Variants in KIF20A observed in about 807,000 individuals in gnomAD.
KIF20A encodes kinesin-like protein KIF20A.
In KIF20A, 66 loss-of-function variants were observed where a neutral mutation model predicts 113.0. That is an observed-to-expected ratio of 0.58 (90% confidence interval 0.48 to 0.72). KIF20A has a LOEUF of 0.72. Among genes scored for constraint, KIF20A ranks in the 30% least tolerant of loss-of-function variants. KIF20A has a pLI of 0.00. For synonymous variants in KIF20A, 376 were observed against 402.3 expected (o/e 0.93, Z 0.78); for missense variants, 927 against 1,077.6 (o/e 0.86, Z 1.96).
In KIF20A at chr5:138,183,638, G is replaced by A. The variant is rs1754696490; in HGVS notation, c.1140-50G>A. On this transcript the variant is annotated intron_variant, in intron 9 of 18. Coordinates refer to ENST00000394894, the MANE Select transcript of KIF20A (RefSeq NM_005733.3). This position sits in a 1 kb window ranked among gnomAD's most constrained non-coding sequence, Gnocchi z 5.2. Reference sequence around the variant, plus strand: ...GTGTTCCAGGAAACATTAGTCCTCTGCCTGGTCATGGAAAATGTGCAATGA... The same window carrying A: ...GTGTTCCAGGAAACATTAGTCCTCTACCTGGTCATGGAAAATGTGCAATGA... 2 of 1,606,912 alleles carry A rather than the reference G, an allele frequency of 1.2e-6. No homozygotes were observed. Among genetic ancestry groups the A allele is most frequent in the Non-Finnish European group, 1.7e-6 (2 of 1,173,664 alleles).
intron 2 of KIF20A, 52 bp from the exon 3 acceptor site, chr5:138,181,370 A>T (rs1754658680): frequency 6.7e-7 from 1 of 1,481,916 alleles, no homozygotes. Flanking sequence ...CCATTTGCTC[A>T]GAGGTAACTG....
chr5:138,180,026 AC>A (rs1368623030), intron 2 of KIF20A, among the ~76,000 whole-genome samples, 181 bp downstream of exon 2: 2 of 152,242 alleles, frequency 1.3e-5, no homozygotes, highest in African/African-American at 4.8e-5. Context: ...TAAGGGCATG[AC>A]AAGTAAAAAA....
At position 138,183,089 on chromosome 5, in the gene KIF20A, C is replaced by G; in HGVS notation, c.833-80C>G. The G allele has an allele frequency of 6.2e-6, 10 of 1,600,678 alleles. No individual in the cohort carries two copies. Among genetic ancestry groups the G allele is most frequent in the Non-Finnish European group, 7.7e-6 (9 of 1,171,450 alleles). On this transcript the variant is annotated intron_variant, in intron 7 of 18. Transcript: ENST00000394894. This position sits in a 1 kb window ranked among gnomAD's most constrained non-coding sequence, Gnocchi z 5.2. Reference sequence around the variant, plus strand: ...CAGACCAGAGGTTGCAATCTAAGGTCTGCCTTCCAAGGCCCCTGCAGGCCA... The same window carrying G: ...CAGACCAGAGGTTGCAATCTAAGGTGTGCCTTCCAAGGCCCCTGCAGGCCA...
rs1754746765 is a variant in KIF20A at position 138,186,393 on chromosome 5, C to G, written c.2317C>G (p.Gln773Glu). ...CHSTGAGKLR[Q>E]ALTTCDDILI... ...CAGCACTGGGGCAGGAAAACTTCGT[C>G]AAGCCTTGACCACTTGTGATGACAT... Residue 773 changes from glutamine (Q) to glutamate (E), a missense_variant, in exon 18 of 19, where the codon CAA becomes GAA. Coordinates refer to ENST00000394894, the MANE Select transcript of KIF20A (RefSeq NM_005733.3). 6.2e-7 allele frequency: 1 copy of G among 1,611,300 alleles called. No homozygotes were observed.
Position 138,187,452 on chromosome 5 carries a change from T to A in KIF20A, c.*39T>A. 6.5e-7 allele frequency: 1 copy of A among 1,544,846 alleles called. No individual in the cohort carries two copies. The highest frequency in any genetic ancestry group is 8.8e-7 in the Non-Finnish European group (1 of 1,132,456). On this transcript the variant is annotated 3_prime_UTR_variant, in exon 19 of 19. Coordinates refer to ENST00000394894, the MANE Select transcript of KIF20A (RefSeq NM_005733.3). ...GAGAAGAGCAGTCATGGCCCTGAGG[T>A]GGGTCAGCTACTCTCCTGAAGAAAT...
At chr5:138,181,899 C>G in intron 4 of KIF20A, 171 bp downstream of exon 4, 1 of 672,692 alleles carries the variant, frequency 1.5e-6, no homozygotes, top group Non-Finnish European at 2.5e-6. Flanking sequence ...ATATGTATAT[C>G]AGTTCTGAAA....
intron 17 of KIF20A, 97 bp downstream of exon 17, chr5:138,186,149 T>C (rs1754741409): frequency 2.0e-6 from 3 of 1,496,710 alleles, no homozygotes; most frequent in Admixed American, 3.5e-5. Context: ...AAGATGTTTT[T>C]TGTGCACAGT....
chr5:138,181,686 A>T lies in KIF20A; in HGVS notation c.333A>T (p.Glu111Asp), dbSNP rs760168766. The T allele has an allele frequency of 6.2e-7, 1 of 1,614,160 alleles. No homozygotes were observed. Among genetic ancestry groups the T allele is most frequent in the Non-Finnish European group, 8.5e-7 (1 of 1,180,040 alleles). ...PKDSFALKSN[E>D]RGIGQATHRF... ...ACTCTTTTGCCCTGAAGAGCAATGA[A>T]CGGGGAATTGGCCAAGCCACACACA... The change falls in exon 4 of 19, where the codon GAA becomes GAT. Residue 111 changes from glutamate (E) to aspartate (D), a missense_variant. Coordinates refer to ENST00000394894, the MANE Select transcript of KIF20A (RefSeq NM_005733.3).
At position 138,183,707 on chromosome 5, in the gene KIF20A, A is replaced by G. The variant is rs948396005; in HGVS notation, c.1159A>G (p.Arg387Gly). 1 of 1,613,956 alleles carries G rather than the reference A, an allele frequency of 6.2e-7. No individual in the cohort carries two copies. The change falls in exon 10 of 19, where the codon AGG becomes GGG. Residue 387 changes from arginine (R) to glycine (G), a missense_variant. Arg to Gly is a moderately radical substitution (Grantham distance 125). Transcript: ENST00000394894. The surrounding 1 kb of genome is among the most constrained non-coding windows in gnomAD (Gnocchi z 5.2). The stretch of plus-strand genomic sequence containing the variant: ...TTCCAGTCACAGCATCTTCTCAATC[A>G]GGATCCTACACCTTCAGGGGGAAGG... Reference protein sequence around the residue: ...SSRSHSIFSIRILHLQGEGDI... With the variant: ...SSRSHSIFSIGILHLQGEGDI...
chr5:138,187,420 G>A lies in KIF20A; in HGVS notation c.*7G>A. On this transcript the variant is annotated 3_prime_UTR_variant, in exon 19 of 19. Coordinates refer to ENST00000394894, the MANE Select transcript of KIF20A (RefSeq NM_005733.3). Reference sequence around the variant, plus strand: ...TTTTGGCAAAAAGTACTAAGGCTGTGGGGAAAGAGAAGAGCAGTCATGGCC... The same window carrying A: ...TTTTGGCAAAAAGTACTAAGGCTGTAGGGAAAGAGAAGAGCAGTCATGGCC... 1.2e-6 allele frequency: 2 copies of A among 1,608,138 alleles called. No homozygotes were observed. Among genetic ancestry groups the A allele is most frequent in the Non-Finnish European group, 1.7e-6 (2 of 1,176,116 alleles).
intron 18 of KIF20A, 106 bp from the exon 19 acceptor site, chr5:138,186,990 C>A: frequency 1.2e-6 from 1 of 825,166 alleles, no homozygotes; most frequent in Non-Finnish European, 1.9e-6. Flanking sequence ...TTTGAAGAAA[C>A]AGTTGTTAGT....
At chr5:138,184,160 A>T (rs2151233334) in intron 11 of KIF20A, 55 bp downstream of exon 11, 1 of 1,611,830 alleles carries the variant, frequency 6.2e-7, no homozygotes. Flanking sequence ...GACTTCCTGG[A>T]CACCACTGGG....
In KIF20A at chr5:138,183,527, G is replaced by T. The variant is rs1434352529; in HGVS notation, c.1085G>T (p.Gly362Val). The change falls in exon 9 of 19, where the codon GGT becomes GTT. Residue 362 changes from glycine to valine, a missense_variant. Transcript: ENST00000394894. This position sits in a 1 kb window ranked among gnomAD's most constrained non-coding sequence, Gnocchi z 5.2. ...GAGGCCTGGAAGCTCCTAAAAGTGGGTCGTAAGAACCAGAGCTTTGCCAGC... is the reference window on the plus strand; with the variant it reads ...GAGGCCTGGAAGCTCCTAAAAGTGGTTCGTAAGAACCAGAGCTTTGCCAGC... ...AEEAWKLLKV[G>V]RKNQSFASTH... The T allele has an allele frequency of 5.6e-6, 9 of 1,614,148 alleles. No homozygotes were observed. The highest frequency in any genetic ancestry group is 6.8e-6 in the Non-Finnish European group (8 of 1,180,024).
rs756575140 is a variant in KIF20A, at chr5:138,183,136, G to A, written c.833-33G>A. 1.9e-6 allele frequency: 3 copies of A among 1,611,078 alleles called. No individual in the cohort carries two copies. In the East Asian group the frequency reaches 6.7e-5, roughly 36 times the overall value. ...GCCAAAAGAGAGGTGAACTGCTCTA[G>A]GTTGATGCCCTATACATTGGCTTCT... On this transcript the variant is annotated intron_variant, in intron 7 of 18. Transcript: ENST00000394894. This position sits in a 1 kb window ranked among gnomAD's most constrained non-coding sequence, Gnocchi z 5.2.
At position 138,184,913 on chromosome 5, in the gene KIF20A, T is replaced by C. The variant is rs754728602; in HGVS notation, c.1790T>C (p.Val597Ala). The change falls in exon 14 of 19, where the codon GTA becomes GCA. Residue 597 changes from valine (V) to alanine (A), a missense_variant. Physicochemically the swap from Val to Ala is moderately conservative, Grantham distance 64. Coordinates refer to ENST00000394894, the MANE Select transcript of KIF20A (RefSeq NM_005733.3). Reference protein sequence around the residue: ...HLRDEICNEMVEQMQQREQWC... With the variant: ...HLRDEICNEMAEQMQQREQWC... ...CGAGATGAAATTTGCAATGAGATGGTAGAACAGATGCAACAGCGGGAACAG... is the reference window on the plus strand; with the variant it reads ...CGAGATGAAATTTGCAATGAGATGGCAGAACAGATGCAACAGCGGGAACAG... 1.6e-5 allele frequency: 26 copies of C among 1,613,982 alleles called. No homozygotes were observed. The highest frequency in any genetic ancestry group is 2.2e-5 in the Non-Finnish European group (26 of 1,180,010).
In KIF20A at chr5:138,184,094, CCAG is replaced by C. The variant is rs761491022; in HGVS notation, c.1345_1347del (p.Gln449del). The C allele has an allele frequency of 4.3e-6, 7 of 1,614,058 alleles. No individual in the cohort carries two copies. Among genetic ancestry groups the C allele is most frequent in the Non-Finnish European group, 5.9e-6 (7 of 1,180,034 alleles). ...GCTGTATTGCTGCCCTTCGTCAAAA[CCAG>C]CAGAACCGGTGAGCTTTTGACTATA... On this transcript the variant is annotated inframe_deletion, in exon 11 of 19. Transcript: ENST00000394894.
chr5:138,182,579 C>T lies in KIF20A; in HGVS notation c.515-7C>T. 6.2e-7 allele frequency: 1 copy of T among 1,614,008 alleles called. No homozygotes were observed. The highest frequency in any genetic ancestry group is 1.3e-5 in the African/African-American group (1 of 75,026). ...GCCTCAGCTGTCCATCTTTCATATG[C>T]CTCCAGGTACCATCAAGGATGGAGG... On this transcript the variant is annotated splice_polypyrimidine_tract_variant and splice_region_variant and intron_variant, in intron 5 of 18. Transcript: ENST00000394894.
chr5:138,187,053 A>G, intron 18 of KIF20A, 43 bp from the exon 19 acceptor site: 1 of 1,486,716 alleles, frequency 6.7e-7, no homozygotes, highest in Non-Finnish European at 9.2e-7. Flanking sequence ...TCTCTAATAT[A>G]CCAGACAAAA....
In KIF20A at chr5:138,183,014, C is replaced by T; in HGVS notation, c.832+24C>T. ...TGGTATGTACCGTGACTGGGCTCTGCCAAAAAATAGTAGGAACTCACTCCC... is the reference window on the plus strand; with the variant it reads ...TGGTATGTACCGTGACTGGGCTCTGTCAAAAAATAGTAGGAACTCACTCCC... On this transcript the variant is annotated intron_variant, in intron 7 of 18. Coordinates refer to ENST00000394894, the MANE Select transcript of KIF20A (RefSeq NM_005733.3). This position sits in a 1 kb window ranked among gnomAD's most constrained non-coding sequence, Gnocchi z 5.2. 6.2e-7 allele frequency: 1 copy of T among 1,612,340 alleles called. No individual in the cohort carries two copies. Among genetic ancestry groups the T allele is most frequent in the South Asian group, 1.1e-5 (1 of 90,832 alleles).
Sources: allele counts gnomAD v4.1 joint callset (sites outside exome capture counted in the v4.1 genomes callset), GRCh38; gene constraint gnomAD v4.1.1; non-coding constraint Gnocchi (gnomAD v3.1); transcripts MANE v1.5; gene names NCBI Gene and HGNC (gene_info 2026-07-23, HGNC 2026-07-21).